Variants in SLCO3A1 observed in about 807,000 individuals in gnomAD.
SLCO3A1 encodes the protein PGE1 transporter.
SLCO3A1 carries 27 observed loss-of-function variants against 63.1 expected under a neutral mutation model. The observed-to-expected ratio is 0.43, with a 90% confidence interval of 0.32 to 0.59. SLCO3A1 has a LOEUF of 0.59. Ranked by LOEUF, SLCO3A1 falls within the 20% of genes least tolerant of loss-of-function variation. The pLI, the probability that SLCO3A1 is intolerant of heterozygous loss-of-function variation, is 0.09. For missense variants in SLCO3A1, 773 were observed against 945.8 expected (o/e 0.82, Z 2.40); for synonymous variants, 473 against 409.9 (o/e 1.15, Z -1.86).
rs140259600 is a variant in SLCO3A1, at chr15:91,936,292, C to T, written c.646+19834C>T. ...CTAGATTTAAGCTATAGGAGGTTTT[C>T]GTCCTATGATCTGGAGCTGCACTGT... On this transcript the variant is annotated intron_variant, in intron 2 of 9. Coordinates refer to ENST00000318445, the MANE Select transcript of SLCO3A1 (RefSeq NM_013272.4). 5.9e-3 allele frequency among the ~76,000 whole-genome samples: 904 copies of T among 152,306 alleles called. 6 individuals carry two copies. Among genetic ancestry groups the T allele is most frequent in the African/African-American group, 0.02 (813 of 41,568 alleles).
At chr15:91,998,291 TA>T (rs1245988347) in intron 2 of SLCO3A1, among the ~76,000 whole-genome samples, 3 of 151,890 alleles carry the variant, frequency 2.0e-5, no homozygotes, top group Non-Finnish European at 4.4e-5. Context: ...CCATCTGTAC[TA>T]AAAATACAAA....
intron 4 of SLCO3A1, among the ~76,000 whole-genome samples, chr15:92,119,426 G>A (rs1013725396): frequency 6.6e-6 from 1 of 152,176 alleles, no homozygotes; most frequent in Non-Finnish European, 1.5e-5. Context: ...GAGCACTTTT[G>A]CCCATCACCA....
chr15:91,854,990 G>A lies in SLCO3A1; in HGVS notation c.180+902G>A, dbSNP rs370070606. Among the ~76,000 whole-genome samples, 5 of 152,092 alleles carry A rather than the reference G, an allele frequency of 3.3e-5. No individual in the cohort carries two copies. Among genetic ancestry groups the A allele is most frequent in the Admixed American group, 6.5e-5 (1 of 15,278 alleles). Reference sequence around the variant, plus strand: ...GGTCGCAACTTGAGTTCCAGAGAGCGTGCTTCCACACCTAAGTACAGTCCT... The same window carrying A: ...GGTCGCAACTTGAGTTCCAGAGAGCATGCTTCCACACCTAAGTACAGTCCT... On this transcript the variant is annotated intron_variant, in intron 1 of 9. Transcript: ENST00000318445. This position sits in a 1 kb window ranked among gnomAD's most constrained non-coding sequence, Gnocchi z 6.4.
At chr15:92,134,841 T>C (rs768226912) in intron 7 of SLCO3A1, among the ~76,000 whole-genome samples, 21 of 152,130 alleles carry the variant, frequency 1.4e-4, no homozygotes, top group Non-Finnish European at 2.2e-4. Context: ...ATCAGTGAAC[T>C]TGCAGTATCA....
chr15:92,164,728 T>G lies in SLCO3A1; in HGVS notation c.*1593T>G. On this transcript the variant is annotated 3_prime_UTR_variant, in exon 10 of 10. Coordinates refer to ENST00000318445, the MANE Select transcript of SLCO3A1 (RefSeq NM_013272.4). ...GAACTAAGGCCCTTGTCTGTGTGTT[T>G]TGAAGGTGGGTGAACCTCAGAGAAT... 3.0e-6 allele frequency: 3 copies of G among 985,406 alleles called. No homozygotes were observed. The South Asian group carries it at 1.4e-4, about 46-fold the overall frequency. 61.0% of individuals were successfully genotyped at this position (985,406 alleles called of 1,614,324 possible). A position where few individuals can be genotyped will look rare whatever the true frequency, so the allele number is the denominator to read the frequency against.
intron 2 of SLCO3A1, among the ~76,000 whole-genome samples, chr15:91,992,158 T>G (rs1240605711): frequency 6.6e-6 from 1 of 152,236 alleles, no homozygotes; most frequent in Non-Finnish European, 1.5e-5. Context: ...CTGTTGCCCT[T>G]CTAAAAGGCA....
intron 2 of SLCO3A1, among the ~76,000 whole-genome samples, chr15:91,991,654 T>G (rs1203687326): frequency 2.0e-5 from 3 of 152,256 alleles, no homozygotes; most frequent in Non-Finnish European, 4.4e-5. Flanking sequence ...AAATATCATT[T>G]CAACATGTGT....
At chr15:92,095,935 C>A (rs936905734) in intron 3 of SLCO3A1, among the ~76,000 whole-genome samples, 5 of 152,196 alleles carry the variant, frequency 3.3e-5, no homozygotes, top group African/African-American at 1.2e-4. Context: ...TTTCATTAAC[C>A]AAAGCAAGTC....
chr15:92,107,858 T>C lies in SLCO3A1; in HGVS notation c.1009+3316T>C, dbSNP rs374829561. On this transcript the variant is annotated intron_variant, in intron 4 of 9. Coordinates refer to ENST00000318445, the MANE Select transcript of SLCO3A1 (RefSeq NM_013272.4). ...GGTTAAAATCCAGCTCAGTCGCTTC[T>C]TAATCATGCAGCCTTGGCCACATCA... Among the ~76,000 whole-genome samples, 239 of 152,376 alleles carry C rather than the reference T, an allele frequency of 1.6e-3. 3 individuals are homozygous for C. The highest frequency in any genetic ancestry group is 5.5e-3 in the African/African-American group (229 of 41,586).
chr15:91,982,566 G>T (rs1301068403), intron 2 of SLCO3A1, among the ~76,000 whole-genome samples: 1 of 152,180 alleles, frequency 6.6e-6, no homozygotes, highest in East Asian at 1.9e-4. Context: ...AGCTTTTCTG[G>T]GCAAAAGCAG....
intron 2 of SLCO3A1, among the ~76,000 whole-genome samples, chr15:92,028,908 A>AGTGTGTGTGTGTGTGTGTGTGTGT (rs61238614): frequency 0.02 from 2,421 of 120,056 alleles, 127 homozygotes; most frequent in African/African-American, 0.03. Flanking sequence ...TGCAGGCACA[A>AGTGTGTGTGTGTGTGTGTGTGTGT]GTGTGTGTGT....
chr15:92,065,649 AG>A (rs1277908344), intron 2 of SLCO3A1, among the ~76,000 whole-genome samples: 2 of 152,118 alleles, frequency 1.3e-5, no homozygotes, highest in East Asian at 3.9e-4. Flanking sequence ...GCAGTAATTA[AG>A]GGGGATCCAT....
chr15:91,976,418 G>T (rs956219002), intron 2 of SLCO3A1, among the ~76,000 whole-genome samples: 1 of 152,028 alleles, frequency 6.6e-6, no homozygotes, highest in Non-Finnish European at 1.5e-5. Context: ...AATGTACAGC[G>T]TATTTTACTT....
At chr15:92,007,999 G>A (rs76984108) in intron 2 of SLCO3A1, among the ~76,000 whole-genome samples, 1,540 of 152,248 alleles carry the variant, frequency 0.01, 20 homozygotes, top group African/African-American at 0.035. Flanking sequence ...CAGGTCAAAT[G>A]TCTCCGATGG....
At chr15:91,956,033 A>C (rs1253337721) in intron 2 of SLCO3A1, among the ~76,000 whole-genome samples, 1 of 152,216 alleles carries the variant, frequency 6.6e-6, no homozygotes, top group Non-Finnish European at 1.5e-5. Flanking sequence ...TGGGGCTGTT[A>C]GTTCCCAGCA....
At position 91,854,013 on chromosome 15, in the gene SLCO3A1, CT is replaced by C. The variant is rs1170689829; in HGVS notation, c.109del (p.Ser37ProfsTer13). Reference sequence around the variant, plus strand: ...AGAAAAAGAAAAAGAAGGTGTCCTGCTTTTCCAACATCAAGATCTTCCTGGT... The same window carrying C: ...AGAAAAAGAAAAAGAAGGTGTCCTGCTTTCCAACATCAAGATCTTCCTGGT... ...NKKKKKKVSC[F>X]SNIKIFLVSE... On this transcript the variant is annotated frameshift_variant, in exon 1 of 10. Transcript: ENST00000318445. LOFTEE classifies it high-confidence loss of function. This position sits in a 1 kb window ranked among gnomAD's most constrained non-coding sequence, Gnocchi z 6.4. 3 of 1,545,830 alleles carry C rather than the reference CT, an allele frequency of 1.9e-6. No homozygotes were observed. The highest frequency in any genetic ancestry group is 1.7e-6 in the Non-Finnish European group (2 of 1,145,258).
intron 2 of SLCO3A1, among the ~76,000 whole-genome samples, chr15:91,962,234 C>T (rs1008071829): frequency 6.6e-6 from 1 of 152,108 alleles, no homozygotes; most frequent in Non-Finnish European, 1.5e-5. Context: ...AATCCCAGCA[C>T]TTTGGGAGGC....
intron 2 of SLCO3A1, among the ~76,000 whole-genome samples, chr15:91,993,034 A>C (rs114697852): frequency 0.017 from 2,516 of 152,298 alleles, 75 homozygotes; most frequent in African/African-American, 0.058. Context: ...CATTAGGTAC[A>C]ACCTTTCTGG....
intron 2 of SLCO3A1, among the ~76,000 whole-genome samples, chr15:91,947,473 C>T (rs910663890): frequency 6.6e-6 from 1 of 152,166 alleles, no homozygotes; most frequent in Non-Finnish European, 1.5e-5. Context: ...TCCTTCTTCC[C>T]TTTTTTCTCT....
Sources: gnomAD v4.1 joint callset for allele counts (sites outside exome capture counted in the v4.1 genomes callset) on GRCh38, gnomAD v4.1.1 for gene constraint, Gnocchi (gnomAD v3.1) non-coding constraint, MANE v1.5 for transcripts, NCBI Gene and HGNC (gene_info 2026-07-23, HGNC 2026-07-21) for gene names.